DICER1: variants seen among roughly 807,000 people sequenced by gnomAD.
DICER1 encodes endoribonuclease Dicer.
A neutral mutation model predicts 194.1 loss-of-function variants in DICER1; 43 were observed. The ratio of observed to expected loss-of-function variants is 0.22; its 90% confidence interval spans 0.17 to 0.29. The LOEUF is 0.29. DICER1 is among the 10% of genes least tolerant of loss of function. The pLI, the probability that DICER1 is intolerant of heterozygous loss-of-function variation, is 1.00. For synonymous variants in DICER1, 832 were observed against 820.5 expected (o/e 1.01, Z -0.24); for missense variants, 1,608 against 2,317.0 (o/e 0.69, Z 6.28).
In DICER1 at chr14:95,086,258, C is replaced by T. The variant is rs1264668951; in HGVS notation, c.*4240G>A. 1 of 232,256 alleles carries T rather than the reference C, an allele frequency of 4.3e-6. No homozygotes were observed. The highest frequency in any genetic ancestry group is 8.5e-6 in the Non-Finnish European group (1 of 117,602). 14.4% of individuals were successfully genotyped at this position (232,256 alleles called of 1,614,324 possible). A position where few individuals can be genotyped will look rare whatever the true frequency, so the allele number is the denominator to read the frequency against. On this transcript the variant is annotated 3_prime_UTR_variant, in exon 27 of 27. Transcript: ENST00000343455. ...AGACGATAACTTTATTGGAGATTTA[C>T]TTGGCTACAATTATTACAAAAAAAA...
At chr14:95,142,784 A>T (rs1054660436) in intron 1 of DICER1, among the ~76,000 whole-genome samples, 1 of 152,238 alleles carries the variant, frequency 6.6e-6, no homozygotes, top group Non-Finnish European at 1.5e-5. Flanking sequence ...CACATATCAG[A>T]CAGTCAAGTT....
chr14:95,106,620 A>G (rs879749621), intron 17 of DICER1, among the ~76,000 whole-genome samples: 6 of 152,092 alleles, frequency 3.9e-5, no homozygotes, highest in Non-Finnish European at 8.8e-5. Flanking sequence ...TGCATCATCT[A>G]TGATAGTGAT....
Position 95,103,687 on chromosome 14 carries a change from G to A in DICER1, c.3709C>T (p.Leu1237Phe), listed in dbSNP as rs757460313. 6.2e-7 allele frequency: 1 copy of A among 1,614,174 alleles called. No individual in the cohort carries two copies. Among genetic ancestry groups the A allele is most frequent in the South Asian group, 1.1e-5 (1 of 91,080 alleles). The change falls in exon 21 of 27, where the codon CTC becomes TTC. Residue 1237 changes from leucine to phenylalanine, a missense_variant. Leu to Phe is a conservative substitution (Grantham distance 22, BLOSUM62 0). This residue lies in a region of DICER1 where 222 missense variants were observed against 215.5 expected (regional missense o/e 1.03). Coordinates refer to ENST00000343455, the MANE Select transcript of DICER1 (RefSeq NM_177438.3). ...NQPQPSDECT[L>F]LSNKYLDGNA... ...CCATCAAGGTATTTATTACTCAGGA[G>A]AGTACATTCATCGCTGGGCTGGGGC...
rs1893176438 is a variant in DICER1 at position 95,124,132 on chromosome 14, C to T, written c.1376+64G>A. The T allele has an allele frequency of 9.2e-6, 11 of 1,189,624 alleles. No homozygotes were observed. The South Asian group carries it at 1.4e-4, about 15-fold the overall frequency. The allele number at this position is 1,189,624 out of a possible 1,614,324, so 73.7% of individuals were successfully genotyped here. A position where few individuals can be genotyped will look rare whatever the true frequency, so the allele number is the denominator to read the frequency against. On this transcript the variant is annotated intron_variant, in intron 8 of 26. Coordinates refer to ENST00000343455, the MANE Select transcript of DICER1 (RefSeq NM_177438.3). This position sits in a 1 kb window ranked among gnomAD's most constrained non-coding sequence, Gnocchi z 4.5. Reference sequence around the variant, plus strand: ...GCTAGCTCTTACAGCTGCTGCAGCGCATCACATCACAACACAGGACGCCTC... The same window carrying T: ...GCTAGCTCTTACAGCTGCTGCAGCGTATCACATCACAACACAGGACGCCTC...
chr14:95,137,281 G>T (rs1460741610), intron 1 of DICER1, among the ~76,000 whole-genome samples: 5 of 146,046 alleles, frequency 3.4e-5, no homozygotes, highest in Non-Finnish European at 7.5e-5. Flanking sequence ...AAAGGGGAAG[G>T]GGAAGGGAAA....
rs1051417658 is a variant in DICER1 at position 95,090,067 on chromosome 14, C to T, written c.*431G>A. On this transcript the variant is annotated 3_prime_UTR_variant, in exon 27 of 27. Transcript: ENST00000343455. ...CTTATCAACTACTGCAGGACTGGCA[C>T]TACTGCACACACGGAGAGATGGAGA... 3 of 348,354 alleles carry T rather than the reference C, an allele frequency of 8.6e-6. No homozygotes were observed. The highest frequency in any genetic ancestry group is 1.6e-5 in the Non-Finnish European group (3 of 187,136). The allele number at this position is 348,354 out of a possible 1,614,324, so 21.6% of individuals were successfully genotyped here.
chr14:95,098,564 T>C (rs1161299303), intron 22 of DICER1, among the ~76,000 whole-genome samples: 1 of 146,750 alleles, frequency 6.8e-6, no homozygotes, highest in Non-Finnish European at 1.5e-5. Flanking sequence ...AAAAAAAAAA[T>C]CAATGACATG....
chr14:95,143,065 C>G (rs1264981301), intron 1 of DICER1, among the ~76,000 whole-genome samples: 1 of 152,114 alleles, frequency 6.6e-6, no homozygotes, highest in East Asian at 1.9e-4. Context: ...AAATGCATGA[C>G]TTCTATAAAG....
rs886050942 is a variant in DICER1 at position 95,103,780 on chromosome 14, T to C, written c.3616A>G (p.Lys1206Glu). 1 of 1,614,204 alleles carries C rather than the reference T, an allele frequency of 6.2e-7. No individual in the cohort carries two copies. Among genetic ancestry groups the C allele is most frequent in the Non-Finnish European group, 8.5e-7 (1 of 1,180,024 alleles). Residue 1206 changes from lysine (K) to glutamate (E), a missense_variant, in exon 21 of 27, where the codon AAG becomes GAG. Lys to Glu is a moderately conservative substitution (Grantham distance 56). Transcript: ENST00000343455. ...FCQGNQLNYY[K>E]QEIPVQPTTS... Reference sequence around the variant, plus strand: ...GTTGGTTGCACGGGTATTTCCTGCTTGTAGTAATTTAGCTGATTTCCTTGG... The same window carrying C: ...GTTGGTTGCACGGGTATTTCCTGCTCGTAGTAATTTAGCTGATTTCCTTGG...
At chr14:95,138,986 T>TAAAAAAAAA (rs1289692370) in intron 1 of DICER1, among the ~76,000 whole-genome samples, 10 of 31,658 alleles carry the variant, frequency 3.2e-4, no homozygotes, top group African/African-American at 1.4e-3. Flanking sequence ...TAAAAATAAA[T>TAAAAAAAAA]AAAAAAATAA....
chr14:95,105,466 A>C lies in DICER1; in HGVS notation c.3093+212T>G, dbSNP rs1054252392. 3.3e-5 allele frequency among the ~76,000 whole-genome samples: 5 copies of C among 152,242 alleles called. No individual in the cohort carries two copies. Reference sequence around the variant, plus strand: ...TATTAATGGGCCAAGTATAAAAACAAAACTCTCAATACTTACCAAAAAGAA... The same window carrying C: ...TATTAATGGGCCAAGTATAAAAACACAACTCTCAATACTTACCAAAAAGAA... On this transcript the variant is annotated intron_variant, in intron 19 of 26. Coordinates refer to ENST00000343455, the MANE Select transcript of DICER1 (RefSeq NM_177438.3). The surrounding 1 kb of genome is among the most constrained non-coding windows in gnomAD (Gnocchi z 4.9).
At chr14:95,120,364 A>G (rs755458002) in intron 8 of DICER1, among the ~76,000 whole-genome samples, 18 of 152,238 alleles carry the variant, frequency 1.2e-4, no homozygotes, top group Non-Finnish European at 2.4e-4. Flanking sequence ...TAAAACTGCC[A>G]TTTTTAATAC....
chr14:95,137,528 G>A (rs1171662170), intron 1 of DICER1, among the ~76,000 whole-genome samples: 3 of 148,268 alleles, frequency 2.0e-5, no homozygotes, highest in Admixed American at 1.3e-4. Flanking sequence ...AAGGGAAAGG[G>A]GAAAGGGAAA....
chr14:95,091,496 A>AT, intron 24 of DICER1, 131 bp from the exon 25 acceptor site: 4 of 835,482 alleles, frequency 4.8e-6, no homozygotes, highest in Non-Finnish European at 8.1e-6. Context: ...CATTTATGGT[A>AT]TGCCTACTAT....
rs878855239 is a variant in DICER1 at position 95,124,483 on chromosome 14, G to A, written c.1089C>T (p.Phe363=). Residue 363 remains phenylalanine, a synonymous_variant, in exon 8 of 27, where the codon TTC becomes TTT. Coordinates refer to ENST00000343455, the MANE Select transcript of DICER1 (RefSeq NM_177438.3). The surrounding 1 kb of genome is among the most constrained non-coding windows in gnomAD (Gnocchi z 4.5). ...ATTTCAGGTCAAGTGAGGCAGGTGA[G>A]AAGTGCTCTTCACATAGTGCATGTA... ...RKIHALCEEH[F]SPASLDLKFV... is the part of the protein sequence containing the mutation. 1.2e-6 allele frequency: 2 copies of A among 1,614,138 alleles called. No individual in the cohort carries two copies.
chr14:95,091,389 T>G (rs746481371), intron 24 of DICER1, 24 bp from the exon 25 acceptor site: 2 of 1,613,760 alleles, frequency 1.2e-6, no homozygotes, highest in East Asian at 2.2e-5. Flanking sequence ...AAAAGTGACT[T>G]GTAAGCAAAA....
In DICER1 at chr14:95,126,713, C is replaced by G; in HGVS notation, c.770G>C (p.Cys257Ser). The G allele has an allele frequency of 6.2e-7, 1 of 1,610,774 alleles. No individual in the cohort carries two copies. Among genetic ancestry groups the G allele is most frequent in the Non-Finnish European group, 8.5e-7 (1 of 1,177,624 alleles). Residue 257 changes from cysteine to serine, a missense_variant, in exon 7 of 27, where the codon TGT (cysteine) becomes TCT (serine). Around this residue, in one of 10 missense-constraint regions of DICER1, gnomAD observed 657 missense variants for 910.1 expected, o/e 0.72. Coordinates refer to ENST00000343455, the MANE Select transcript of DICER1 (RefSeq NM_177438.3). ...CCCACTTCTGTCAGTAAATGGTCCACAATCCACCACAATCTCACATGGCTG... is the reference window on the plus strand; with the variant it reads ...CCCACTTCTGTCAGTAAATGGTCCAGAATCCACCACAATCTCACATGGCTG... ...TSQPCEIVVDCGPFTDRSGLY... is the reference protein window; with the variant it reads ...TSQPCEIVVDSGPFTDRSGLY...
intron 17 of DICER1, among the ~76,000 whole-genome samples, chr14:95,106,670 C>T (rs1437687243): frequency 2.7e-5 from 4 of 148,634 alleles, no homozygotes; most frequent in African/African-American, 7.4e-5. Context: ...TTTTGAGGTG[C>T]AAAAAGAAAA....
intron 13 of DICER1, 33 bp from the exon 14 acceptor site, chr14:95,111,489 C>A (rs759176644): frequency 6.2e-7 from 1 of 1,611,714 alleles, no homozygotes; most frequent in East Asian, 2.2e-5. Flanking sequence ...TAACACAATC[C>A]AGATTTTGCC....
Sources: allele counts gnomAD v4.1 joint callset (sites outside exome capture counted in the v4.1 genomes callset), GRCh38; gene constraint gnomAD v4.1.1; regional missense constraint gnomAD v4.1.1; non-coding constraint Gnocchi (gnomAD v3.1); transcripts MANE v1.5; gene names NCBI Gene and HGNC (gene_info 2026-07-23, HGNC 2026-07-21).